CEP170: variants seen among roughly 807,000 people sequenced by gnomAD.
CEP170 encodes the protein centrosomal protein of 170 kDa.
In CEP170, 21 loss-of-function variants were observed where a neutral mutation model predicts 151.9. The observed-to-expected ratio is 0.14, with a 90% CI of 0.10 to 0.20. The LOEUF (loss-of-function observed/expected upper bound fraction) is 0.20, where lower values mean the gene tolerates loss of function less well. CEP170 is among the 10% of genes least tolerant of loss of function. CEP170 has a pLI of 1.00. For missense variants in CEP170, 964 were observed against 1,892.9 expected, an observed-to-expected ratio of 0.51 and a Z score of 9.11; for synonymous variants, 356 against 648.8, an observed-to-expected ratio of 0.55 and a Z score of 6.86.
intron 12 of CEP170, among the ~76,000 whole-genome samples, chr1:243,168,679 T>C (rs2058618060): frequency 6.6e-6 from 1 of 151,936 alleles, no homozygotes; most frequent in African/African-American, 2.4e-5. Context: ...TCCACCTGTC[T>C]AAGTGAGATT....
chr1:243,195,081 T>G (rs1455968514), intron 7 of CEP170, among the ~76,000 whole-genome samples: 1 of 151,900 alleles, frequency 6.6e-6, no homozygotes. Context: ...ACTATAATTA[T>G]AACAGCTCAT....
intron 13 of CEP170, among the ~76,000 whole-genome samples, chr1:243,158,229 C>T (rs189176161): frequency 2.6e-5 from 4 of 151,966 alleles, no homozygotes; most frequent in African/African-American, 4.8e-5. Flanking sequence ...CAAATTTGTA[C>T]GTTTCAAAAA....
chr1:243,204,439 T>C (rs148426918), intron 4 of CEP170, among the ~76,000 whole-genome samples: 2,764 of 152,276 alleles, frequency 0.018, 83 homozygotes, highest in African/African-American at 0.059. Context: ...ATACAACTTC[T>C]TTGGGAAAAT....
At chr1:243,181,906 T>G (rs1329119475) in intron 10 of CEP170, among the ~76,000 whole-genome samples, 1 of 152,194 alleles carries the variant, frequency 6.6e-6, no homozygotes, top group Non-Finnish European at 1.5e-5. Flanking sequence ...GCTCTCACCC[T>G]ATACATTTTC....
chr1:243,240,215 TAGG>T (rs1441762657), intron 1 of CEP170, among the ~76,000 whole-genome samples: 1 of 152,024 alleles, frequency 6.6e-6, no homozygotes, highest in Non-Finnish European at 1.5e-5. Context: ...GAGGCTGAGG[TAGG>T]AGAATTGCTT....
chr1:243,240,973 G>A (rs1202433441), intron 1 of CEP170, among the ~76,000 whole-genome samples: 1 of 152,192 alleles, frequency 6.6e-6, no homozygotes, highest in Non-Finnish European at 1.5e-5. Context: ...GATTACAGGT[G>A]TAAGCCACCG....
intron 14 of CEP170, among the ~76,000 whole-genome samples, chr1:243,152,345 C>T (rs1006524729): frequency 6.6e-6 from 1 of 151,342 alleles, no homozygotes; most frequent in African/African-American, 2.4e-5. Context: ...CCTCAGCCTC[C>T]AGGGTAGCTG....
chr1:243,195,449 A>C (rs1360945280), intron 7 of CEP170, among the ~76,000 whole-genome samples: 2 of 152,048 alleles, frequency 1.3e-5, no homozygotes, highest in African/African-American at 2.4e-5. Flanking sequence ...GTATTTGCTT[A>C]AACCAGGGCT....
intron 1 of CEP170, among the ~76,000 whole-genome samples, chr1:243,233,606 G>A (rs895314403): frequency 7.9e-5 from 12 of 151,384 alleles, no homozygotes; most frequent in African/African-American, 2.4e-4. Flanking sequence ...GGTGGCAGGC[G>A]CCTGTAGTCC....
At chr1:243,230,621 C>CT (rs1202133915) in intron 1 of CEP170, among the ~76,000 whole-genome samples, 4 of 152,002 alleles carry the variant, frequency 2.6e-5, no homozygotes, top group African/African-American at 9.7e-5. Context: ...AAGAAAAACT[C>CT]AATAGAGGGG....
chr1:243,150,702 A>G (rs1466750063), intron 14 of CEP170, among the ~76,000 whole-genome samples: 1 of 152,168 alleles, frequency 6.6e-6, no homozygotes, highest in Non-Finnish European at 1.5e-5. Context: ...ACACAAAATT[A>G]AAAGCTCCAA....
At chr1:243,161,667 T>G (rs966860568) in intron 13 of CEP170, among the ~76,000 whole-genome samples, 76 of 152,076 alleles carry the variant, frequency 5.0e-4, no homozygotes, top group African/African-American at 1.8e-3. Context: ...ATCTAAAATA[T>G]GGAATTGGAA....
At chr1:243,193,745 C>G (rs2060463139) in intron 7 of CEP170, among the ~76,000 whole-genome samples, 1 of 151,888 alleles carries the variant, frequency 6.6e-6, no homozygotes, top group Non-Finnish European at 1.5e-5. Context: ...CATAACCAGG[C>G]AGCCTGGTTT....
chr1:243,188,386 T>G (rs1344654963), intron 8 of CEP170, among the ~76,000 whole-genome samples: 2 of 152,230 alleles, frequency 1.3e-5, no homozygotes, highest in African/African-American at 4.8e-5. Flanking sequence ...AAAACTTTTC[T>G]TATAAATTAG....
chr1:243,174,428 T>C (rs1394186040), intron 10 of CEP170, among the ~76,000 whole-genome samples: 4 of 151,710 alleles, frequency 2.6e-5, no homozygotes, highest in Non-Finnish European at 1.5e-5. Context: ...AAGGAGAAGC[T>C]ACCTCAGGCT....
chr1:243,126,337 T>C lies in CEP170; in HGVS notation c.*112A>G. 1 of 1,054,272 alleles carries C rather than the reference T, an allele frequency of 9.5e-7. No homozygotes were observed. The highest frequency in any genetic ancestry group is 1.4e-6 in the Non-Finnish European group (1 of 712,732). 65.3% of individuals were successfully genotyped at this position (1,054,272 alleles called of 1,614,324 possible). A position where few individuals can be genotyped will look rare whatever the true frequency, so the allele number is the denominator to read the frequency against. On this transcript the variant is annotated 3_prime_UTR_variant, in exon 20 of 20. Coordinates refer to ENST00000366542, the MANE Select transcript of CEP170 (RefSeq NM_014812.3). ...ATAAATAAAATTAAGAAGACAGGGA[T>C]TCCAAGATTGTAGCTGACCAAGCTG...
Position 243,243,709 on chromosome 1 carries a change from G to A in CEP170, c.-42+11331C>T, listed in dbSNP as rs528836964. Among the ~76,000 whole-genome samples, 3 of 152,014 alleles carry A rather than the reference G, an allele frequency of 2.0e-5. No homozygotes were observed. In the East Asian group the frequency reaches 5.8e-4, roughly 29 times the overall value. ...CAGCTCATTTTTGTATTTTTTTAAA[G>A]TAGAGACAGGGTTTCACCATGATGG... is the stretch of plus-strand genomic sequence containing the variant. On this transcript the variant is annotated intron_variant, in intron 1 of 19. Transcript: ENST00000366542.
In CEP170 at chr1:243,172,792, G is replaced by T. The variant is rs780631143; in HGVS notation, c.1621C>A (p.His541Asn). The T allele has an allele frequency of 1.4e-5, 22 of 1,574,576 alleles. No homozygotes were observed. The highest frequency in any genetic ancestry group is 6.9e-6 in the Non-Finnish European group (8 of 1,158,946). ...DYNRPVINEK[H>N]KDLIKDWALS... is the part of the protein sequence containing the mutation. ...GCCCAATCTTTTATTAGATCTTTAT[G>T]TTTTTCGTTGATAACAGGCCTATTA... The change falls in exon 11 of 20, where the codon CAT becomes AAT. Residue 541 changes from histidine (H) to asparagine (N), a missense_variant. His to Asn is a moderately conservative substitution (Grantham distance 68). Coordinates refer to ENST00000366542, the MANE Select transcript of CEP170 (RefSeq NM_014812.3).
intron 7 of CEP170, among the ~76,000 whole-genome samples, chr1:243,193,962 A>G (rs528657842): frequency 5.3e-5 from 8 of 152,194 alleles, no homozygotes; most frequent in African/African-American, 1.9e-4. Flanking sequence ...TCCACCTTCA[A>G]AAACAGCTGA....
Sources: gnomAD v4.1 joint callset for allele counts (sites outside exome capture counted in the v4.1 genomes callset) on GRCh38, gnomAD v4.1.1 for gene constraint, MANE v1.5 for transcripts, NCBI Gene and HGNC (gene_info 2026-07-23, HGNC 2026-07-21) for gene names.